Variants in MPND observed in about 807,000 individuals in gnomAD.
MPND encodes the protein MPN domain-containing protein.
Under a neutral mutation model 59.2 loss-of-function variants are expected in MPND, and 56 were observed. That is an observed-to-expected ratio of 0.95 (90% CI 0.76 to 1.18). MPND has a LOEUF of 1.18. Among genes scored for constraint, MPND ranks in the 50% most tolerant of loss-of-function variants. MPND has a pLI of 0.00. For missense variants in MPND, 671 were observed against 676.0 expected, an observed-to-expected ratio of 0.99 and a Z score of 0.08; for synonymous variants, 323 against 291.9, an observed-to-expected ratio of 1.11 and a Z score of -1.09.
chr19:4,355,020 G>A lies in MPND; in HGVS notation c.918G>A (p.Gln306=). Residue 306 remains glutamine, a splice_region_variant and synonymous_variant, in exon 7 of 13, where the codon CAG becomes CAA. Transcript: ENST00000599840. ...YLGGRWDVNS[Q]MLTVLRAFPC... is the part of the protein sequence containing the mutation. ...GGGGCCGCTGGGACGTCAACAGCCA[G>A]AGTGGGTATCCAGGGCCAGGTGGGC... is the stretch of plus-strand genomic sequence containing the variant. 6.2e-7 allele frequency: 1 copy of A among 1,606,518 alleles called. No individual in the cohort carries two copies. Among genetic ancestry groups the A allele is most frequent in the Non-Finnish European group, 8.5e-7 (1 of 1,175,054 alleles).
intron 3 of MPND, among the ~76,000 whole-genome samples, chr19:4,351,414 T>C (rs1296647829): frequency 1.3e-5 from 2 of 151,980 alleles, no homozygotes; most frequent in Non-Finnish European, 2.9e-5. Flanking sequence ...GGAGGAAAGG[T>C]TACTGAAAGA....
At chr19:4,357,897 C>G (rs958901054) in intron 10 of MPND, 186 bp from the exon 11 acceptor site, 2 of 617,002 alleles carry the variant, frequency 3.2e-6, no homozygotes, top group South Asian at 1.9e-5. Context: ...TGGCTCTCCT[C>G]TGGGCCTCTC....
rs1350779126 is a variant in MPND, at chr19:4,345,974, C to T, written c.524C>T (p.Ala175Val). 3.7e-6 allele frequency: 6 copies of T among 1,611,612 alleles called. No individual in the cohort carries two copies. Among genetic ancestry groups the T allele is most frequent in the Non-Finnish European group, 3.4e-6 (4 of 1,179,256 alleles). The change falls in exon 3 of 13, where the codon GCT (alanine) becomes GTT (valine). Residue 175 changes from alanine (A) to valine (V), a missense_variant. Physicochemically the swap from Ala to Val is moderately conservative, Grantham distance 64. Transcript: ENST00000599840. ...LHQLHTPATA[A>V]DESPASEGEE... ...CAGCTGCACACGCCTGCCACGGCTG[C>T]TGATGAGGTACGTGCTGCAGCCTCC... is the stretch of plus-strand genomic sequence containing the variant.
chr19:4,344,430 GC>G (rs1206683600), intron 2 of MPND, among the ~76,000 whole-genome samples: 1 of 152,210 alleles, frequency 6.6e-6, no homozygotes, highest in Non-Finnish European at 1.5e-5. Context: ...GGACACTGAG[GC>G]CCGGAGCTCT....
chr19:4,359,359 A>C (rs1184044403), intron 12 of MPND, 104 bp downstream of exon 12: 2 of 794,958 alleles, frequency 2.5e-6, no homozygotes, highest in African/African-American at 3.5e-5. Context: ...CAGGGGCCTG[A>C]GACAGCCCAG....
intron 3 of MPND, among the ~76,000 whole-genome samples, chr19:4,352,539 C>T (rs1420711463): frequency 1.3e-5 from 2 of 152,052 alleles, no homozygotes; most frequent in Non-Finnish European, 2.9e-5. Context: ...ACAAAATTAG[C>T]TGGATGTGGT....
intron 3 of MPND, chr19:4,347,384 GCACC>G (rs1418759107): frequency 6.6e-6 from 1 of 152,144 alleles, no homozygotes; most frequent in Non-Finnish European, 1.5e-5. Context: ...GGGACTACAG[GCACC>G]CACCACCACG....
intron 8 of MPND, chr19:4,356,850 G>A (rs1272210189): frequency 6.2e-6 from 1 of 161,222 alleles, no homozygotes; most frequent in African/African-American, 2.4e-5. Flanking sequence ...ATGTTGGCCA[G>A]GCTAGTCTTG....
chr19:4,350,601 A>T (rs948278364), intron 3 of MPND, among the ~76,000 whole-genome samples: 4 of 152,170 alleles, frequency 2.6e-5, no homozygotes, highest in African/African-American at 4.8e-5. Context: ...AGATTTGCTG[A>T]TAGATCAGAT....
At chr19:4,345,561 A>G (rs1202755840) in intron 2 of MPND, among the ~76,000 whole-genome samples, 184 bp from the exon 3 acceptor site, 2 of 152,160 alleles carry the variant, frequency 1.3e-5, no homozygotes, top group Non-Finnish European at 2.9e-5. Context: ...AGCTTGGTGC[A>G]GGCTGATCAG....
At chr19:4,359,768 A>AAGC in intron 12 of MPND, 148 bp from the exon 13 acceptor site, 1 of 610,182 alleles carries the variant, frequency 1.6e-6, no homozygotes, top group Non-Finnish European at 2.9e-6. Flanking sequence ...CCCACTGGGT[A>AAGC]AGCAGCAGGC....
At chr19:4,350,196 G>A (rs1012360471) in intron 3 of MPND, among the ~76,000 whole-genome samples, 6 of 152,134 alleles carry the variant, frequency 3.9e-5, no homozygotes, top group East Asian at 1.9e-4. Context: ...CCTGGGGCAC[G>A]ACCGTGCCTG....
intron 12 of MPND, 129 bp from the exon 13 acceptor site, chr19:4,359,787 G>A (rs967666753): frequency 1.0e-4 from 68 of 672,156 alleles, no homozygotes; most frequent in African/African-American, 5.7e-4. Flanking sequence ...GCTGTGCTGC[G>A]GGACCCCAGC....
chr19:4,354,759 G>A (rs1185639452), intron 6 of MPND, among the ~76,000 whole-genome samples, 190 bp from the exon 7 acceptor site: 5 of 152,216 alleles, frequency 3.3e-5, no homozygotes, highest in Admixed American at 6.5e-5. Context: ...AGCTACCTGA[G>A]AGGCTGAGAC....
At chr19:4,359,094 C>T (rs1269641085) in intron 11 of MPND, 69 bp from the exon 12 acceptor site, 4 of 1,078,872 alleles carry the variant, frequency 3.7e-6, no homozygotes, top group African/African-American at 1.6e-5. Context: ...AGACTGGAAC[C>T]CCAGGAGAGG....
intron 8 of MPND, 105 bp downstream of exon 8, chr19:4,355,278 C>A: frequency 1.7e-6 from 2 of 1,171,206 alleles, no homozygotes; most frequent in Non-Finnish European, 2.5e-6. Context: ...AGCAACCGTG[C>A]AGGTGAGCAT....
intron 3 of MPND, among the ~76,000 whole-genome samples, chr19:4,350,978 C>T (rs1972304194): frequency 6.6e-6 from 1 of 151,944 alleles, no homozygotes; most frequent in African/African-American, 2.4e-5. Flanking sequence ...GGACCGTGTC[C>T]TGGTAGGTAG....
rs374181373 is a variant in MPND at position 4,357,449 on chromosome 19, C to A, written c.1165+28C>A. ...ACGCGGGATGGGGCTGTGGGGGGAG[C>A]AAGGAGGGGGGATGCTGGGCCAGCC... On this transcript the variant is annotated intron_variant, in intron 9 of 12. Transcript: ENST00000599840. The A allele has an allele frequency of 3.4e-5, 54 of 1,608,200 alleles. No individual in the cohort carries two copies. In the South Asian group the frequency reaches 5.3e-4, roughly 16 times the overall value.
intron 3 of MPND, among the ~76,000 whole-genome samples, chr19:4,350,914 C>T (rs1007953700): frequency 2.6e-5 from 4 of 151,934 alleles, no homozygotes; most frequent in African/African-American, 9.7e-5. Flanking sequence ...CCAGCAACAG[C>T]GAGAGGGGAG....
Sources: gnomAD v4.1 joint callset for allele counts (sites outside exome capture counted in the v4.1 genomes callset) on GRCh38, gnomAD v4.1.1 for gene constraint, MANE v1.5 for transcripts, NCBI Gene and HGNC (gene_info 2026-07-23, HGNC 2026-07-21) for gene names.